LINGO1: variants seen among roughly 807,000 people sequenced by gnomAD.
The protein encoded by LINGO1 is leucine rich repeat and Ig domain containing 1.
Under a neutral mutation model 37.3 loss-of-function variants are expected in LINGO1, and 11 were observed. The ratio of observed to expected loss-of-function variants is 0.29; its 90% CI spans 0.19 to 0.49. LINGO1 has a LOEUF of 0.49. LINGO1 is among the 20% of genes least tolerant of loss of function. The pLI is 0.99. For synonymous variants in LINGO1, 387 were observed against 403.0 expected (o/e 0.96, Z 0.48); for missense variants, 585 against 878.2 (o/e 0.67, Z 4.22).
chr15:77,804,101 C>A (rs2076940450), intron 1 of LINGO1, among the ~76,000 whole-genome samples: 1 of 152,098 alleles, frequency 6.6e-6, no homozygotes, highest in Admixed American at 6.5e-5. Flanking sequence ...GCAGGGTTCA[C>A]AGGGAGGGAG....
intron 1 of LINGO1, among the ~76,000 whole-genome samples, chr15:77,764,600 T>C (rs1366164833): frequency 6.6e-6 from 1 of 152,166 alleles, no homozygotes; most frequent in African/African-American, 2.4e-5. Context: ...TTGCTGAAGC[T>C]CAGCAGAGTT....
intron 3 of LINGO1, among the ~76,000 whole-genome samples, chr15:77,664,160 T>TGC (rs1393532000): frequency 1.5e-4 from 17 of 114,932 alleles, no homozygotes; most frequent in African/African-American, 6.2e-4. Context: ...TGTGTGTGTG[T>TGC]GTGTGTGTGT....
At chr15:77,804,941 G>A (rs1205246846) in intron 1 of LINGO1, among the ~76,000 whole-genome samples, 1 of 152,198 alleles carries the variant, frequency 6.6e-6, no homozygotes, top group Non-Finnish European at 1.5e-5. Flanking sequence ...GCTGAGAAGG[G>A]CTGGCAGCCA....
At chr15:77,810,249 CGCAT>C (rs1567596138) in intron 1 of LINGO1, among the ~76,000 whole-genome samples, 1 of 129,998 alleles carries the variant, frequency 7.7e-6, no homozygotes, top group African/African-American at 2.6e-5. Context: ...CACACACACA[CGCAT>C]ACACATGCAC....
intron 2 of LINGO1, among the ~76,000 whole-genome samples, chr15:77,726,483 C>A (rs2076103566): frequency 6.6e-6 from 1 of 152,260 alleles, no homozygotes; most frequent in Non-Finnish European, 1.5e-5. Flanking sequence ...CAAGACCCTG[C>A]ACAAGAAAGA....
At chr15:77,626,159 G>A (rs569344160) in intron 1 of LINGO1, among the ~76,000 whole-genome samples, 1 of 152,154 alleles carries the variant, frequency 6.6e-6, no homozygotes, top group African/African-American at 2.4e-5. Flanking sequence ...AGAATCTCTG[G>A]GCTAGGGCCT....
At chr15:77,725,174 G>A (rs2076090516) in intron 2 of LINGO1, among the ~76,000 whole-genome samples, 1 of 152,246 alleles carries the variant, frequency 6.6e-6, no homozygotes, top group Non-Finnish European at 1.5e-5. Flanking sequence ...ACCTGAGAAG[G>A]ACAGAAAGCC....
chr15:77,663,032 C>T (rs2075033073), intron 3 of LINGO1, among the ~76,000 whole-genome samples: 1 of 152,234 alleles, frequency 6.6e-6, no homozygotes, highest in Non-Finnish European at 1.5e-5. Context: ...TCACCCCCAA[C>T]CTGACAGGCT....
At chr15:77,680,756 A>G (rs1653770024) in intron 2 of LINGO1, among the ~76,000 whole-genome samples, 1 of 152,208 alleles carries the variant, frequency 6.6e-6, no homozygotes. Context: ...ACCAGCTCCC[A>G]GAAAGGCTCT....
chr15:77,686,775 C>T (rs1041886093), intron 2 of LINGO1, among the ~76,000 whole-genome samples: 1 of 152,216 alleles, frequency 6.6e-6, no homozygotes, highest in Non-Finnish European at 1.5e-5. Flanking sequence ...CACCTGCTGC[C>T]AGAGGAACAC....
intron 1 of LINGO1, among the ~76,000 whole-genome samples, chr15:77,768,603 C>T (rs551018801): frequency 1.1e-4 from 16 of 152,180 alleles, no homozygotes; most frequent in Non-Finnish European, 2.4e-4. Context: ...CAGAGACCTG[C>T]GTGCCTGGAC....
chr15:77,715,109 C>G (rs28638334), intron 2 of LINGO1, among the ~76,000 whole-genome samples: 1,690 of 152,352 alleles, frequency 0.011, 28 homozygotes, highest in African/African-American at 0.039. Flanking sequence ...CCAGCCTACT[C>G]TGCAAGGTGA....
chr15:77,785,969 G>A (rs921936245), intron 1 of LINGO1, among the ~76,000 whole-genome samples: 4 of 152,290 alleles, frequency 2.6e-5, no homozygotes, highest in East Asian at 3.9e-4. Flanking sequence ...TCAGTGAGGC[G>A]GGGGAAGGGC....
chr15:77,708,122 G>A (rs1333666135), intron 2 of LINGO1, among the ~76,000 whole-genome samples: 1 of 152,160 alleles, frequency 6.6e-6, no homozygotes, highest in Non-Finnish European at 1.5e-5. Flanking sequence ...CTATAATGAG[G>A]TGAATGGGTT....
At chr15:77,619,188 G>A (rs531226903) in intron 1 of LINGO1, among the ~76,000 whole-genome samples, 2 of 152,328 alleles carry the variant, frequency 1.3e-5, no homozygotes, top group African/African-American at 2.4e-5. Context: ...ACCTGCTAGA[G>A]AGTGAGGTAC....
chr15:77,648,080 A>T (rs2074676915), intron 3 of LINGO1: 1 of 374,484 alleles, frequency 2.7e-6, no homozygotes, highest in East Asian at 7.4e-5. Context: ...GTAAGTGGGG[A>T]GGACTTTGGT....
At chr15:77,635,114 A>C (rs1452661575), upstream of LINGO1, among the ~76,000 whole-genome samples, 1 of 152,178 alleles carries the variant, frequency 6.6e-6, no homozygotes, top group South Asian at 2.1e-4. Context: ...TTTGGTGCCC[A>C]CAATGATCCC....
At chr15:77,691,159 TA>T (rs2075596579) in intron 1 of LINGO1, among the ~76,000 whole-genome samples, 1 of 152,240 alleles carries the variant, frequency 6.6e-6, no homozygotes, top group Non-Finnish European at 1.5e-5. Flanking sequence ...AACTGATTTT[TA>T]ATCTTGTTTT....
chr15:77,629,475 C>A (rs1180087304), intron 1 of LINGO1, among the ~76,000 whole-genome samples: 1 of 152,176 alleles, frequency 6.6e-6, no homozygotes, highest in East Asian at 1.9e-4. Context: ...TAGGACTCAG[C>A]CAGTCTCCCT....
Sources: gnomAD v4.1 joint callset for allele counts (sites outside exome capture counted in the v4.1 genomes callset) on GRCh38, gnomAD v4.1.1 for gene constraint, MANE v1.5 for transcripts, NCBI Gene and HGNC (gene_info 2026-07-23, HGNC 2026-07-21) for gene names.